MPHOSPH9: variants seen among roughly 807,000 people sequenced by gnomAD.
MPHOSPH9 encodes M-phase phosphoprotein 9.
MPHOSPH9 carries 88 observed loss-of-function variants against 145.5 expected under a neutral mutation model. The ratio of observed to expected loss-of-function variants is 0.60; its 90% CI spans 0.51 to 0.72. MPHOSPH9 has a LOEUF of 0.72. MPHOSPH9 is among the 30% of genes least tolerant of loss of function. The pLI is 0.00. For missense variants in MPHOSPH9, 1,238 were observed against 1,386.6 expected, an observed-to-expected ratio of 0.89 and a Z score of 1.70; for synonymous variants, 435 against 486.2, an observed-to-expected ratio of 0.89 and a Z score of 1.39.
intron 16 of MPHOSPH9, among the ~76,000 whole-genome samples, chr12:123,176,336 T>C (rs1209252761): frequency 6.6e-6 from 1 of 152,180 alleles, no homozygotes; most frequent in Admixed American, 6.5e-5. Flanking sequence ...GAATAAAATG[T>C]CTGAAATTTT....
At chr12:123,154,146 T>A (rs1265706107), downstream of MPHOSPH9, 9 of 151,566 alleles carry the variant, frequency 5.9e-5, no homozygotes, top group African/African-American at 2.2e-4. Context: ...GATCCAGGCA[T>A]CAGGGGAGAG....
At position 123,182,837 on chromosome 12, in the gene MPHOSPH9, C is replaced by T. The variant is rs891553420; in HGVS notation, c.2242-1627G>A. Reference sequence around the variant, plus strand: ...GCTGAGGTGGGAGAACTGCTTGAACCCAGGAGGCGTAGGTTGTAGTGAGCT... The same window carrying T: ...GCTGAGGTGGGAGAACTGCTTGAACTCAGGAGGCGTAGGTTGTAGTGAGCT... On this transcript the variant is annotated intron_variant, in intron 13 of 23. Transcript: ENST00000606320. Among the ~76,000 whole-genome samples, 8 of 151,650 alleles carry T rather than the reference C, an allele frequency of 5.3e-5. No individual in the cohort carries two copies. The South Asian group carries it at 6.2e-4, about 12-fold the overall frequency.
At chr12:123,186,872 A>T (rs2045467121) in intron 13 of MPHOSPH9, among the ~76,000 whole-genome samples, 2 of 152,140 alleles carry the variant, frequency 1.3e-5, no homozygotes, top group Admixed American at 6.6e-5. Flanking sequence ...GAGGCAAGAG[A>T]ATTGTTTGAA....
At chr12:123,168,408 CT>C (rs2044414253) in intron 16 of MPHOSPH9, among the ~76,000 whole-genome samples, 1 of 147,056 alleles carries the variant, frequency 6.8e-6, no homozygotes, top group Admixed American at 6.9e-5. Flanking sequence ...GTGGCGTGAT[CT>C]CGGCTCACTG....
In MPHOSPH9 at chr12:123,198,325, T is replaced by C. The variant is rs754464499; in HGVS notation, c.1947A>G (p.Gln649=). Residue 649 remains glutamine, a synonymous_variant, in exon 12 of 24, where the codon CAA becomes CAG. Coordinates refer to ENST00000606320, the MANE Select transcript of MPHOSPH9 (RefSeq NM_022782.4). ...TAGCTTCATGCAAAGCACTATCTAA[T>C]TGGCCACATCTAAAAACCATAAATT... ...TNQILVDRCG[Q]LDSALHEATS... 2.0e-5 allele frequency: 33 copies of C among 1,610,990 alleles called. No individual in the cohort carries two copies. The highest frequency in any genetic ancestry group is 8.4e-5 in the Admixed American group (5 of 59,540).
chr12:123,178,200 C>A (rs1017626718), intron 15 of MPHOSPH9, among the ~76,000 whole-genome samples: 2 of 152,234 alleles, frequency 1.3e-5, no homozygotes, highest in African/African-American at 2.4e-5. Context: ...TACCGCCATG[C>A]CTGGCTTGTT....
intron 6 of MPHOSPH9, 106 bp downstream of exon 6, chr12:123,218,270 A>G: frequency 6.8e-7 from 1 of 1,471,940 alleles, no homozygotes. Context: ...AAATGAACAA[A>G]TTAACAATAC....
intron 21 of MPHOSPH9, 152 bp from the exon 22 acceptor site, chr12:123,161,535 T>C: frequency 1.2e-6 from 1 of 818,188 alleles, no homozygotes; most frequent in Non-Finnish European, 1.9e-6. Context: ...TCAATCTTAT[T>C]TACTCAGTGC....
chr12:123,208,069 T>C (rs2046520264), intron 8 of MPHOSPH9, among the ~76,000 whole-genome samples: 1 of 149,396 alleles, frequency 6.7e-6, no homozygotes, highest in South Asian at 2.1e-4. Flanking sequence ...AATACAAAAA[T>C]TAGCCAGGCA....
chr12:123,214,684 G>T (rs1015961535), intron 7 of MPHOSPH9, 60 bp downstream of exon 7: 2 of 1,325,554 alleles, frequency 1.5e-6, no homozygotes, highest in African/African-American at 3.0e-5. Flanking sequence ...AAAAATCTAA[G>T]TACCTTCCTC....
intron 16 of MPHOSPH9, among the ~76,000 whole-genome samples, chr12:123,172,393 T>C (rs1337579824): frequency 6.6e-6 from 1 of 151,928 alleles, no homozygotes; most frequent in Non-Finnish European, 1.5e-5. Flanking sequence ...AATGCAGTGG[T>C]GTAATCTTGG....
chr12:123,217,657 TTTTATCC>T (rs2047024181), intron 6 of MPHOSPH9, among the ~76,000 whole-genome samples: 1 of 152,192 alleles, frequency 6.6e-6, no homozygotes. Context: ...TTTCATAATA[TTTTATCC>T]TTTATTAGCT....
chr12:123,167,095 G>A (rs1015019976), intron 16 of MPHOSPH9, among the ~76,000 whole-genome samples: 1 of 152,104 alleles, frequency 6.6e-6, no homozygotes, highest in Non-Finnish European at 1.5e-5. Flanking sequence ...TACTGTAGCT[G>A]AGGGTAAAGT....
At chr12:123,165,586 G>T in intron 17 of MPHOSPH9, 109 bp from the exon 18 acceptor site, 4 of 995,910 alleles carry the variant, frequency 4.0e-6, no homozygotes, top group Non-Finnish European at 5.9e-6. Context: ...CAATGTGATG[G>T]TGTGTGGAGG....
chr12:123,206,539 G>A (rs972939374), intron 8 of MPHOSPH9, among the ~76,000 whole-genome samples: 2 of 151,284 alleles, frequency 1.3e-5, no homozygotes, highest in Non-Finnish European at 2.9e-5. Context: ...GATGAGAAGA[G>A]AAGAGTATAA....
At chr12:123,242,569 A>C (rs990318460) in intron 1 of MPHOSPH9, among the ~76,000 whole-genome samples, 1 of 152,166 alleles carries the variant, frequency 6.6e-6, no homozygotes, top group Non-Finnish European at 1.5e-5. Context: ...GGAGATACTA[A>C]AAGTGTCTAG....
At chr12:123,218,569 A>C in intron 5 of MPHOSPH9, 70 bp from the exon 6 acceptor site, 1 of 1,486,402 alleles carries the variant, frequency 6.7e-7, no homozygotes, top group Non-Finnish European at 9.2e-7. Context: ...TGTGTCGCCC[A>C]GGCTGGAGTA....
chr12:123,193,034 T>C (rs1313500600), intron 13 of MPHOSPH9, among the ~76,000 whole-genome samples: 1 of 135,656 alleles, frequency 7.4e-6, no homozygotes, highest in African/African-American at 2.8e-5. Flanking sequence ...ATCACGCCAC[T>C]GCACTCCAGC....
In MPHOSPH9 at chr12:123,218,360, G is replaced by A. The variant is rs1211727136; in HGVS notation, c.996+16C>T. 2 of 1,613,686 alleles carry A rather than the reference G, an allele frequency of 1.2e-6. No individual in the cohort carries two copies. The highest frequency in any genetic ancestry group is 1.7e-6 in the Non-Finnish European group (2 of 1,179,780). On this transcript the variant is annotated intron_variant, in intron 6 of 23. Coordinates refer to ENST00000606320, the MANE Select transcript of MPHOSPH9 (RefSeq NM_022782.4). ...ATCAGTACTGGAGCCCGCAGGGAAA[G>A]TGACTAGTCACCTACTTTCTCAATT...
Sources: gnomAD v4.1 joint callset for allele counts (sites outside exome capture counted in the v4.1 genomes callset) on GRCh38, gnomAD v4.1.1 for gene constraint, MANE v1.5 for transcripts, NCBI Gene and HGNC (gene_info 2026-07-23, HGNC 2026-07-21) for gene names.